CTNNA3: variants seen among roughly 807,000 people sequenced by gnomAD.
The protein encoded by CTNNA3 is catenin alpha-3.
A neutral mutation model predicts 95.7 loss-of-function variants in CTNNA3; 76 were observed. The ratio of observed to expected loss-of-function variants is 0.79; its 90% CI spans 0.66 to 0.96. The LOEUF is 0.96. CTNNA3 is among the 40% of genes least tolerant of loss of function. The pLI is 0.00. For missense variants in CTNNA3, 1,191 were observed against 1,089.8 expected, an observed-to-expected ratio of 1.09 and a Z score of -1.31; for synonymous variants, 431 against 374.4, an observed-to-expected ratio of 1.15 and a Z score of -1.74.
chr10:65,981,932 T>C (rs1004874878), intron 16 of CTNNA3, among the ~76,000 whole-genome samples: 17 of 151,608 alleles, frequency 1.1e-4, no homozygotes, highest in African/African-American at 4.1e-4. Context: ...TAGACACTGG[T>C]TTCGGCAAAG....
intron 12 of CTNNA3, among the ~76,000 whole-genome samples, chr10:66,329,931 T>C (rs2092304400): frequency 6.6e-6 from 1 of 152,094 alleles, no homozygotes; most frequent in Admixed American, 6.5e-5. Flanking sequence ...TCATATGATA[T>C]TGTGGAATTG....
At chr10:66,607,783 T>C (rs558433048) in intron 10 of CTNNA3, among the ~76,000 whole-genome samples, 20 of 152,246 alleles carry the variant, frequency 1.3e-4, no homozygotes, top group African/African-American at 4.8e-4. Context: ...AAACTAGGTA[T>C]TGAGAAAACA....
Position 66,069,373 on chromosome 10 carries a change from G to C in CTNNA3, c.2094C>G (p.Ser698Arg). 1 of 1,613,564 alleles carries C rather than the reference G, an allele frequency of 6.2e-7. No homozygotes were observed. The highest frequency in any genetic ancestry group is 1.1e-5 in the South Asian group (1 of 91,072). The change falls in exon 15 of 18, where the codon AGC becomes AGG. Residue 698 changes from serine to arginine, a missense_variant. By Grantham distance (110) the Ser-to-Arg change is moderately radical. Transcript: ENST00000433211. Reference protein sequence around the residue: ...DAEIEIWDDTSNDIIVLAKNM... With the variant: ...DAEIEIWDDTRNDIIVLAKNM... ...TCTTGGCCAGAACAATGATGTCGTT[G>C]CTTGTATCATCCCATATCTCAATCT... is the stretch of plus-strand genomic sequence containing the variant.
At chr10:67,759,369 C>T (rs1028872067) in intron 1 of CTNNA3, among the ~76,000 whole-genome samples, 2 of 152,214 alleles carry the variant, frequency 1.3e-5, no homozygotes, top group African/African-American at 2.4e-5. Context: ...TAAAACTCTG[C>T]AGTTGTTGTC....
At chr10:67,183,533 CT>C (rs1265720233) in intron 6 of CTNNA3, among the ~76,000 whole-genome samples, 1 of 150,076 alleles carries the variant, frequency 6.7e-6, no homozygotes, top group Non-Finnish European at 1.5e-5. Context: ...ACACTGGGGC[CT>C]GTTGTGGGGT....
intron 17 of CTNNA3, among the ~76,000 whole-genome samples, chr10:65,924,901 G>T (rs2077143346): frequency 6.6e-6 from 1 of 152,146 alleles, no homozygotes; most frequent in Admixed American, 6.5e-5. Flanking sequence ...CAGAGGAACT[G>T]CCCTGTTATA....
chr10:67,375,690 C>T (rs1012704100), intron 5 of CTNNA3, among the ~76,000 whole-genome samples: 9 of 152,082 alleles, frequency 5.9e-5, no homozygotes, highest in African/African-American at 1.9e-4. Flanking sequence ...GGTTAAGAAA[C>T]CCTGTCCTAA....
At chr10:66,675,973 A>G (rs1280527487) in intron 9 of CTNNA3, among the ~76,000 whole-genome samples, 1 of 152,104 alleles carries the variant, frequency 6.6e-6, no homozygotes, top group African/African-American at 2.4e-5. Context: ...AGAGAGGTGC[A>G]AGGTCTCAGA....
At position 67,524,365 on chromosome 10, in the gene CTNNA3, T is replaced by G. The variant is rs575163647; in HGVS notation, c.460-2404A>C. On this transcript the variant is annotated intron_variant, in intron 4 of 17. Transcript: ENST00000433211. Reference sequence around the variant, plus strand: ...ATGAGCCGAGATTGCGCCACTGCACTCCAGCCTGGGCGACAGCGAGACTCT... The same window carrying G: ...ATGAGCCGAGATTGCGCCACTGCACGCCAGCCTGGGCGACAGCGAGACTCT... 1.4e-3 allele frequency among the ~76,000 whole-genome samples: 182 copies of G among 127,156 alleles called. 1 individual carries two copies. The highest frequency in any genetic ancestry group is 5.2e-3 in the African/African-American group (167 of 32,178). 83.4% of individuals were successfully genotyped at this position (127,156 alleles called of 152,430 possible).
intron 12 of CTNNA3, among the ~76,000 whole-genome samples, chr10:66,340,929 T>C (rs951404308): frequency 3.3e-5 from 5 of 152,018 alleles, no homozygotes; most frequent in Admixed American, 2.6e-4. Flanking sequence ...GTCTCTATAA[T>C]GTATTTTTAA....
At chr10:67,532,790 T>C (rs1056618411) in intron 4 of CTNNA3, among the ~76,000 whole-genome samples, 3 of 152,206 alleles carry the variant, frequency 2.0e-5, no homozygotes, top group African/African-American at 7.2e-5. Context: ...TCATTCAGTC[T>C]TCACAAAACC....
chr10:67,621,268 T>C (rs1843836189), intron 2 of CTNNA3, among the ~76,000 whole-genome samples: 1 of 152,046 alleles, frequency 6.6e-6, no homozygotes, highest in Non-Finnish European at 1.5e-5. Context: ...ATCTCAACAA[T>C]AACAGGGATT....
At chr10:66,450,122 T>C (rs909295437) in intron 11 of CTNNA3, among the ~76,000 whole-genome samples, 2 of 152,060 alleles carry the variant, frequency 1.3e-5, no homozygotes, top group Non-Finnish European at 2.9e-5. Flanking sequence ...ATGAAAGCAG[T>C]TAACATCCCC....
intron 12 of CTNNA3, among the ~76,000 whole-genome samples, chr10:66,293,703 T>A (rs1300769354): frequency 6.6e-6 from 1 of 151,208 alleles, no homozygotes; most frequent in African/African-American, 2.4e-5. Flanking sequence ...TCTTATTCTG[T>A]CGCCCAGGCT....
chr10:66,594,727 T>A (rs569950544), intron 10 of CTNNA3, among the ~76,000 whole-genome samples: 1 of 152,178 alleles, frequency 6.6e-6, no homozygotes, highest in Admixed American at 6.5e-5. Flanking sequence ...ATTTTCCTGA[T>A]ATGGTAGCAT....
intron 5 of CTNNA3, among the ~76,000 whole-genome samples, chr10:67,443,626 C>A (rs571422333): frequency 1.3e-5 from 2 of 152,252 alleles, no homozygotes; most frequent in South Asian, 4.1e-4. Context: ...ATCCTTTGCC[C>A]ACTTTTTGAT....
chr10:67,146,400 A>C (rs189094112), intron 7 of CTNNA3, among the ~76,000 whole-genome samples: 7 of 152,352 alleles, frequency 4.6e-5, no homozygotes, highest in Non-Finnish European at 8.8e-5. Flanking sequence ...AGAGATTCAA[A>C]TATGAGCATA....
chr10:66,218,451 T>C (rs1336647888), intron 13 of CTNNA3, among the ~76,000 whole-genome samples: 2 of 152,126 alleles, frequency 1.3e-5, no homozygotes, highest in Non-Finnish European at 2.9e-5. Context: ...GGAAGTCATG[T>C]TGGAAGGAAC....
intron 10 of CTNNA3, among the ~76,000 whole-genome samples, chr10:66,573,592 A>G (rs1214563701): frequency 6.6e-6 from 1 of 152,182 alleles, no homozygotes; most frequent in African/African-American, 2.4e-5. Flanking sequence ...ATTCTATTGA[A>G]TTGCCTATTC....
Sources: gnomAD v4.1 joint callset for allele counts (sites outside exome capture counted in the v4.1 genomes callset) on GRCh38, gnomAD v4.1.1 for gene constraint, MANE v1.5 for transcripts, NCBI Gene and HGNC (gene_info 2026-07-23, HGNC 2026-07-21) for gene names.